The following CTAGE8 variants were observed in gnomAD, a reference collection of about 807,000 sequenced individuals.
CTAGE8 encodes CTAGE family member 8.
For missense variants in CTAGE8, 45 were observed against 284.9 expected (o/e 0.16, Z 6.06); for synonymous variants, 10 against 100.1 (o/e 0.10, Z 5.37).
Position 144,267,122 on chromosome 7 carries a change from G to A in CTAGE8, c.2129C>T (p.Thr710Ile), listed in dbSNP as rs1224019445. 5.1e-6 allele frequency: 8 copies of A among 1,567,522 alleles called. 1 individual carries two copies. In the Admixed American group the frequency reaches 8.8e-5, roughly 17 times the overall value. Reference protein sequence around the residue: ...PVRGPLFPVDTRGPFMRRGPP... With the variant: ...PVRGPLFPVDIRGPFMRRGPP... ...TCCTCTTCTCATGAACGGGCCCCTT[G>A]TATCCACTGGAAACAATGGTCCTCT... Residue 710 changes from threonine to isoleucine, a missense_variant, in exon 1 of 1, where the codon ACA becomes ATA. Coordinates refer to ENST00000487179, the MANE Select transcript of CTAGE8 (RefSeq NM_001278507.2).
In CTAGE8 at chr7:144,267,736, A is replaced by T; in HGVS notation, c.1515T>A (p.Asn505Lys). Residue 505 changes from asparagine (N) to lysine (K), a missense_variant, in exon 1 of 1, where the codon AAT (asparagine) becomes AAA (lysine). Transcript: ENST00000487179. ...LKFELLEKDPNALDVSNTAFG... is the reference protein window; with the variant it reads ...LKFELLEKDPKALDVSNTAFG... Reference sequence around the variant, plus strand: ...ATGCTGTATTTGAAACATCGAGTGCATTAGGATCTTTTTCTAAAAGTTCAA... The same window carrying T: ...ATGCTGTATTTGAAACATCGAGTGCTTTAGGATCTTTTTCTAAAAGTTCAA... The T allele has an allele frequency of 1.0e-5, 1 of 98,680 alleles. No individual in the cohort carries two copies. 6.1% of individuals were successfully genotyped at this position (98,680 alleles called of 1,614,324 possible).
Position 144,267,108 on chromosome 7 carries a change from T to G in CTAGE8, c.2143A>C (p.Met715Leu). The change falls in exon 1 of 1, where the codon ATG becomes CTG. Residue 715 changes from methionine (M) to leucine (L), a missense_variant. Physicochemically the swap from Met to Leu is conservative, Grantham distance 15. Coordinates refer to ENST00000487179, the MANE Select transcript of CTAGE8 (RefSeq NM_001278507.2). ...GGGGGGAAAGGAGGTCCTCTTCTCA[T>G]GAACGGGCCCCTTGTATCCACTGGA... The part of the protein sequence containing the change: ...LFPVDTRGPF[M>L]RRGPPFPPPP... 1.3e-6 allele frequency: 2 copies of G among 1,560,802 alleles called. No individual in the cohort carries two copies. The highest frequency in any genetic ancestry group is 1.7e-6 in the Non-Finnish European group (2 of 1,147,358).
rs981407444 is a variant in CTAGE8 at position 144,267,130 on chromosome 7, T to C, written c.2121A>G (p.Pro707=). ...PLAPVRGPLF[P]VDTRGPFMRR... ...TCATGAACGGGCCCCTTGTATCCACTGGAAACAATGGTCCTCTGACTGGAG... is the reference window on the plus strand; with the variant it reads ...TCATGAACGGGCCCCTTGTATCCACCGGAAACAATGGTCCTCTGACTGGAG... The change falls in exon 1 of 1, where the codon CCA becomes CCG. Residue 707 remains proline (P), a synonymous_variant. Transcript: ENST00000487179. 3.3e-5 allele frequency: 52 copies of C among 1,569,914 alleles called. 2 individuals are homozygous for C. In the African/African-American group the frequency reaches 4.8e-4, roughly 15 times the overall value.
In CTAGE8 at chr7:144,267,142, T is replaced by A. The variant is rs201168619; in HGVS notation, c.2109A>T (p.Gly703=). ...FIPPPLAPVR[G]PLFPVDTRGP... ...CCCTTGTATCCACTGGAAACAATGG[T>A]CCTCTGACTGGAGCAAGAGGTGGAG... The change falls in exon 1 of 1, where the codon GGA becomes GGT. Residue 703 remains glycine (G), a synonymous_variant. Transcript: ENST00000487179. 5.0e-3 allele frequency: 7,841 copies of A among 1,559,176 alleles called. 560 individuals carry two copies. Among genetic ancestry groups the A allele is most frequent in the African/African-American group, 0.034 (2,218 of 64,988 alleles).
At position 144,267,393 on chromosome 7, in the gene CTAGE8, T is replaced by G; in HGVS notation, c.1858A>C (p.Thr620Pro). The G allele has an allele frequency of 7.5e-7, 1 of 1,331,148 alleles. No individual in the cohort carries two copies. The highest frequency in any genetic ancestry group is 2.2e-5 in the African/African-American group (1 of 45,350). The allele number at this position is 1,331,148 out of a possible 1,614,324, so 82.5% of individuals were successfully genotyped here. Reference sequence around the variant, plus strand: ...CTGTCTTCCCTTTGTGGAGGAAGAGTTGAATCAGGATATGATTGCCCTGGT... The same window carrying G: ...CTGTCTTCCCTTTGTGGAGGAAGAGGTGAATCAGGATATGATTGCCCTGGT... Reference protein sequence around the residue: ...PPPGQSYPDSTLPPQREDRFY... With the variant: ...PPPGQSYPDSPLPPQREDRFY... The change falls in exon 1 of 1, where the codon ACT (threonine) becomes CCT (proline). Residue 620 changes from threonine to proline, a missense_variant. Physicochemically the swap from Thr to Pro is conservative, Grantham distance 38. Coordinates refer to ENST00000487179, the MANE Select transcript of CTAGE8 (RefSeq NM_001278507.2).
At position 144,266,873 on chromosome 7, in the gene CTAGE8, C is replaced by G; in HGVS notation, c.*44G>C. 1 of 1,109,238 alleles carries G rather than the reference C, an allele frequency of 9.0e-7. No homozygotes were observed. The highest frequency in any genetic ancestry group is 2.7e-5 in the East Asian group (1 of 37,286). 68.7% of individuals were successfully genotyped at this position (1,109,238 alleles called of 1,614,324 possible). ...GGTTCTGGATGTCCAGTAGCAGGCTCCTTTGAAGGCGGAATCAATCCTGAA... is the reference window on the plus strand; with the variant it reads ...GGTTCTGGATGTCCAGTAGCAGGCTGCTTTGAAGGCGGAATCAATCCTGAA... On this transcript the variant is annotated 3_prime_UTR_variant, in exon 1 of 1. Transcript: ENST00000487179.
In CTAGE8 at chr7:144,267,115, G is replaced by GC. The variant is rs1244186992; in HGVS notation, c.2135dup (p.Phe714ValfsTer75). On this transcript the variant is annotated frameshift_variant, in exon 1 of 1. Transcript: ENST00000487179. LOFTEE classifies it low-confidence loss of function (END_TRUNC). ...AAGGAGGTCCTCTTCTCATGAACGG[G>GC]CCCCTTGTATCCACTGGAAACAATG... The GC allele has an allele frequency of 3.2e-6, 5 of 1,564,566 alleles. 1 individual carries two copies. The highest frequency in any genetic ancestry group is 1.4e-5 in the African/African-American group (1 of 69,852).
At position 144,266,886 on chromosome 7, in the gene CTAGE8, A is replaced by T; in HGVS notation, c.*31T>A. On this transcript the variant is annotated 3_prime_UTR_variant, in exon 1 of 1. Transcript: ENST00000487179. ...CAGTAGCAGGCTCCTTTGAAGGCGG[A>T]ATCAATCCTGAAGGGAACTCGCTTC... is the stretch of plus-strand genomic sequence containing the variant. 8.4e-7 allele frequency: 1 copy of T among 1,188,948 alleles called. No individual in the cohort carries two copies. The highest frequency in any genetic ancestry group is 1.1e-6 in the Non-Finnish European group (1 of 879,912). 73.6% of individuals were successfully genotyped at this position (1,188,948 alleles called of 1,614,324 possible). A position where few individuals can be genotyped will look rare whatever the true frequency, so the allele number is the denominator to read the frequency against.
rs201177167 is a variant in CTAGE8 at position 144,267,315 on chromosome 7, T to C, written c.1936A>G (p.Lys646Glu). Residue 646 changes from lysine (K) to glutamate (E), a missense_variant, in exon 1 of 1, where the codon AAA (lysine) becomes GAA (glutamate). Lys to Glu is a moderately conservative substitution (Grantham distance 56, BLOSUM62 1). Coordinates refer to ENST00000487179, the MANE Select transcript of CTAGE8 (RefSeq NM_001278507.2). The stretch of plus-strand genomic sequence containing the variant: ...TCCATTTTATCCAAAGAAGTCATTT[T>C]AAAACTTCTGGGTTCTGCTGGTCCA... ...LSGPAEPRSF[K>E]MTSLDKMDRS... The C allele has an allele frequency of 6.2e-3, 9,322 of 1,492,478 alleles. 231 individuals are homozygous for C. Among genetic ancestry groups the C allele is most frequent in the Admixed American group, 7.4e-3 (368 of 49,636 alleles). 92.5% of individuals were successfully genotyped at this position (1,492,478 alleles called of 1,614,324 possible).
chr7:144,266,898 A>G lies in CTAGE8; in HGVS notation c.*19T>C, dbSNP rs1291419331. The G allele has an allele frequency of 4.0e-6, 5 of 1,256,296 alleles. No homozygotes were observed. In the African/African-American group the frequency reaches 9.8e-5, roughly 25 times the overall value. The allele number at this position is 1,256,296 out of a possible 1,614,324, so 77.8% of individuals were successfully genotyped here. A position where few individuals can be genotyped will look rare whatever the true frequency, so the allele number is the denominator to read the frequency against. On this transcript the variant is annotated 3_prime_UTR_variant, in exon 1 of 1. Coordinates refer to ENST00000487179, the MANE Select transcript of CTAGE8 (RefSeq NM_001278507.2). ...CCTTTGAAGGCGGAATCAATCCTGA[A>G]GGGAACTCGCTTCTACCTTCAGAAT...
At position 144,269,091 on chromosome 7, in the gene CTAGE8, CA is replaced by C; in HGVS notation, c.159del (p.Phe53LeufsTer33). 5.4e-6 allele frequency: 1 copy of C among 184,724 alleles called. No individual in the cohort carries two copies. Among genetic ancestry groups the C allele is most frequent in the Non-Finnish European group, 9.3e-6 (1 of 107,028 alleles). 11.4% of individuals were successfully genotyped at this position (184,724 alleles called of 1,614,324 possible). A position where few individuals can be genotyped will look rare whatever the true frequency, so the allele number is the denominator to read the frequency against. ...LVVCAAVIGFFVVLLFLWRSF... is the reference protein window; with the variant it reads ...LVVCAAVIGFXVVLLFLWRSF... ...CTTCTCCACAAAAAAAGGAGAACAA[CA>C]AAAAATCCAATAACAGCTGCACATA... is the stretch of plus-strand genomic sequence containing the variant. On this transcript the variant is annotated frameshift_variant, in exon 1 of 1. Coordinates refer to ENST00000487179, the MANE Select transcript of CTAGE8 (RefSeq NM_001278507.2). LOFTEE classifies it low-confidence loss of function (END_TRUNC).
chr7:144,269,074 CA>C lies in CTAGE8; in HGVS notation c.176del (p.Leu59CysfsTer27), dbSNP rs1563090441. ...VIGFFVVLLF[L>X]WRSFRSVRSR... ...TCCTAACCGATCTAAAACTTCTCCA[CA>C]AAAAAAGGAGAACAACAAAAAATCC... On this transcript the variant is annotated frameshift_variant, in exon 1 of 1. Coordinates refer to ENST00000487179, the MANE Select transcript of CTAGE8 (RefSeq NM_001278507.2). LOFTEE classifies it low-confidence loss of function (END_TRUNC). 1.7e-5 allele frequency: 3 copies of C among 178,342 alleles called. No homozygotes were observed. The highest frequency in any genetic ancestry group is 2.9e-5 in the Non-Finnish European group (3 of 103,576). 11.0% of individuals were successfully genotyped at this position (178,342 alleles called of 1,614,324 possible). A position where few individuals can be genotyped will look rare whatever the true frequency, so the allele number is the denominator to read the frequency against.
chr7:144,267,657 C>T lies in CTAGE8; in HGVS notation c.1594G>A (p.Glu532Lys). The T allele has an allele frequency of 3.4e-6, 1 of 293,470 alleles. No homozygotes were observed. Among genetic ancestry groups the T allele is most frequent in the Non-Finnish European group, 5.7e-6 (1 of 175,438 alleles). The allele number at this position is 293,470 out of a possible 1,614,324, so 18.2% of individuals were successfully genotyped here. The stretch of plus-strand genomic sequence containing the variant: ...TGAGGAGAGGGAAAAGCTCTCGTTT[C>T]AGATGAAGGCCGACCCAATGGTGAG... ...SPSPLGRPSSETRAFPSPQTL... is the reference protein window; with the variant it reads ...SPSPLGRPSSKTRAFPSPQTL... Residue 532 changes from glutamate to lysine, a missense_variant, in exon 1 of 1, where the codon GAA becomes AAA. Physicochemically the swap from Glu to Lys is moderately conservative, Grantham distance 56. Coordinates refer to ENST00000487179, the MANE Select transcript of CTAGE8 (RefSeq NM_001278507.2).
chr7:144,266,772 A>G lies in CTAGE8; in HGVS notation c.*145T>C. ...AAAGTGCAATCACTTAAGTAACAGC[A>G]GTTACTTAAACTGAAAATGAGATCA... is the stretch of plus-strand genomic sequence containing the variant. On this transcript the variant is annotated 3_prime_UTR_variant, in exon 1 of 1. Coordinates refer to ENST00000487179, the MANE Select transcript of CTAGE8 (RefSeq NM_001278507.2). 2.1e-6 allele frequency: 1 copy of G among 483,708 alleles called. No homozygotes were observed. Among genetic ancestry groups the G allele is most frequent in the Non-Finnish European group, 3.4e-6 (1 of 291,114 alleles). The allele number at this position is 483,708 out of a possible 1,614,324, so 30.0% of individuals were successfully genotyped here.
In CTAGE8 at chr7:144,267,696, A is replaced by G; in HGVS notation, c.1555T>C (p.Ser519Pro). Residue 519 changes from serine (S) to proline (P), a missense_variant, in exon 1 of 1, where the codon TCC becomes CCC. By Grantham distance (74) the Ser-to-Pro change is moderately conservative (BLOSUM62 -1). Transcript: ENST00000487179. ...CCCAATGGTGAGGGACTACATGGGG[A>G]ATGCTCTCTGCCAAATGCTGTATTT... Reference protein sequence around the residue: ...VSNTAFGREHSPCSPSPLGRP... With the variant: ...VSNTAFGREHPPCSPSPLGRP... 1.4e-5 allele frequency: 3 copies of G among 218,002 alleles called. No individual in the cohort carries two copies. The highest frequency in any genetic ancestry group is 2.3e-5 in the Non-Finnish European group (3 of 130,112). The allele number at this position is 218,002 out of a possible 1,614,324, so 13.5% of individuals were successfully genotyped here. A position where few individuals can be genotyped will look rare whatever the true frequency, so the allele number is the denominator to read the frequency against.
chr7:144,267,149 A>C lies in CTAGE8; in HGVS notation c.2102T>G (p.Val701Gly). The C allele has an allele frequency of 6.4e-7, 1 of 1,572,516 alleles. No homozygotes were observed. Among genetic ancestry groups the C allele is most frequent in the Non-Finnish European group, 8.7e-7 (1 of 1,154,008 alleles). Residue 701 changes from valine (V) to glycine (G), a missense_variant, in exon 1 of 1, where the codon GTC (valine) becomes GGC (glycine). By Grantham distance (109) the Val-to-Gly change is moderately radical. Transcript: ENST00000487179. ...ATCCACTGGAAACAATGGTCCTCTG[A>C]CTGGAGCAAGAGGTGGAGGAATAAA... is the stretch of plus-strand genomic sequence containing the variant. ...PGFIPPPLAP[V>G]RGPLFPVDTR...
chr7:144,267,373 T>G lies in CTAGE8; in HGVS notation c.1878A>C (p.Glu626Asp). The G allele has an allele frequency of 7.1e-7, 1 of 1,416,274 alleles. No individual in the cohort carries two copies. Among genetic ancestry groups the G allele is most frequent in the Non-Finnish European group, 9.4e-7 (1 of 1,062,140 alleles). The allele number at this position is 1,416,274 out of a possible 1,614,324, so 87.7% of individuals were successfully genotyped here. Residue 626 changes from glutamate (E) to aspartate (D), a missense_variant, in exon 1 of 1, where the codon GAA (glutamate) becomes GAC (aspartate). Transcript: ENST00000487179. Reference sequence around the variant, plus strand: ...TTTCAGAATTAGAATAAAATCTGTCTTCCCTTTGTGGAGGAAGAGTTGAAT... The same window carrying G: ...TTTCAGAATTAGAATAAAATCTGTCGTCCCTTTGTGGAGGAAGAGTTGAAT... Reference protein sequence around the residue: ...YPDSTLPPQREDRFYSNSERL... With the variant: ...YPDSTLPPQRDDRFYSNSERL...
At position 144,266,861 on chromosome 7, in the gene CTAGE8, C is replaced by T; in HGVS notation, c.*56G>A. On this transcript the variant is annotated 3_prime_UTR_variant, in exon 1 of 1. Coordinates refer to ENST00000487179, the MANE Select transcript of CTAGE8 (RefSeq NM_001278507.2). ...GTTTCTTGCTGTGGTTCTGGATGTC[C>T]AGTAGCAGGCTCCTTTGAAGGCGGA... 9.8e-7 allele frequency: 1 copy of T among 1,021,212 alleles called. No individual in the cohort carries two copies. The highest frequency in any genetic ancestry group is 1.4e-6 in the Non-Finnish European group (1 of 739,130). The allele number at this position is 1,021,212 out of a possible 1,614,324, so 63.3% of individuals were successfully genotyped here.
Position 144,266,702 on chromosome 7 carries a change from A to T in CTAGE8, c.*215T>A. ...ATATTCAAACCATCTTTATTTACGA[A>T]ATACTATCCTGAGAACTATTATTCC... On this transcript the variant is annotated 3_prime_UTR_variant, in exon 1 of 1. Coordinates refer to ENST00000487179, the MANE Select transcript of CTAGE8 (RefSeq NM_001278507.2). The T allele has an allele frequency of 3.2e-6, 1 of 317,228 alleles. No homozygotes were observed. Among genetic ancestry groups the T allele is most frequent in the Non-Finnish European group, 5.3e-6 (1 of 189,590 alleles). The allele number at this position is 317,228 out of a possible 1,614,324, so 19.7% of individuals were successfully genotyped here. A position where few individuals can be genotyped will look rare whatever the true frequency, so the allele number is the denominator to read the frequency against.
Sources: allele counts gnomAD v4.1 joint callset, GRCh38; gene constraint gnomAD v4.1.1; transcripts MANE v1.5; gene names NCBI Gene and HGNC (gene_info 2026-07-23, HGNC 2026-07-21).